PRKN: variants seen among roughly 807,000 people sequenced by gnomAD.
PRKN encodes the protein E3 ubiquitin-protein ligase parkin.
Under a neutral mutation model 59.5 loss-of-function variants are expected in PRKN, and 56 were observed. The observed-to-expected ratio is 0.94, with a 90% CI of 0.76 to 1.18. The LOEUF (loss-of-function observed/expected upper bound fraction) is 1.18. Among genes scored for constraint, PRKN ranks in the 50% most tolerant of loss-of-function variants. The pLI is 0.00. For missense variants in PRKN, 657 were observed against 596.4 expected (o/e 1.10, Z -1.06); for synonymous variants, 250 against 222.1 (o/e 1.13, Z -1.12).
intron 2 of PRKN, among the ~76,000 whole-genome samples, chr6:162,348,964 CAG>C (rs1355067932): frequency 6.6e-6 from 1 of 152,088 alleles, no homozygotes; most frequent in Non-Finnish European, 1.5e-5. Flanking sequence ...AATATAAAGA[CAG>C]ATTATGGACA....
chr6:162,288,248 AT>A (rs1337583375), intron 2 of PRKN, among the ~76,000 whole-genome samples: 13 of 152,020 alleles, frequency 8.6e-5, no homozygotes, highest in Admixed American at 8.5e-4. Context: ...AAAAACATCC[AT>A]TCTGGTTTTG....
intron 1 of PRKN, among the ~76,000 whole-genome samples, chr6:162,666,272 T>C (rs1034583733): frequency 1.3e-5 from 2 of 152,124 alleles, no homozygotes; most frequent in Admixed American, 1.3e-4. Context: ...ATCATTATAA[T>C]GGTATATAAA....
intron 9 of PRKN, among the ~76,000 whole-genome samples, chr6:161,452,316 A>C (rs1223153969): frequency 6.6e-6 from 1 of 152,218 alleles, no homozygotes; most frequent in African/African-American, 2.4e-5. Context: ...CTGAGGACTT[A>C]AATAACTTAT....
intron 6 of PRKN, among the ~76,000 whole-genome samples, chr6:161,968,187 A>ATTTTTTTTTT (rs530441181): frequency 6.3e-5 from 8 of 128,000 alleles, no homozygotes; most frequent in African/African-American, 9.0e-5. Context: ...TGCCTGGCTA[A>ATTTTTTTTTT]TTTTTTTTTT....
intron 9 of PRKN, among the ~76,000 whole-genome samples, chr6:161,535,950 C>T (rs559423623): frequency 2.9e-4 from 13 of 45,136 alleles, no homozygotes; most frequent in African/African-American, 1.3e-3. Context: ...CAGAGAGGAA[C>T]AAAAAGATTT....
intron 2 of PRKN, among the ~76,000 whole-genome samples, chr6:162,264,474 G>A (rs1780037571): frequency 6.6e-6 from 1 of 151,852 alleles, no homozygotes; most frequent in African/African-American, 2.4e-5. Flanking sequence ...TCGAACAGTG[G>A]TGCCCAGCAC....
chr6:162,630,114 G>A (rs890640371), intron 1 of PRKN, among the ~76,000 whole-genome samples: 2 of 152,074 alleles, frequency 1.3e-5, no homozygotes, highest in African/African-American at 4.8e-5. Flanking sequence ...CATACTTTTC[G>A]AATCAAACAA....
At chr6:162,292,823 C>A (rs1035362089) in intron 2 of PRKN, among the ~76,000 whole-genome samples, 8 of 152,102 alleles carry the variant, frequency 5.3e-5, no homozygotes, top group African/African-American at 1.7e-4. Context: ...AGTAAAGCAA[C>A]CAATGGAATG....
intron 3 of PRKN, among the ~76,000 whole-genome samples, chr6:162,238,638 G>C (rs1778847815): frequency 6.6e-6 from 1 of 152,162 alleles, no homozygotes; most frequent in Admixed American, 6.5e-5. Context: ...ACTGGGCCAG[G>C]ACCCACTACC....
chr6:162,199,844 T>A (rs1784644708), intron 4 of PRKN, among the ~76,000 whole-genome samples: 1 of 152,136 alleles, frequency 6.6e-6, no homozygotes, highest in African/African-American at 2.4e-5. Context: ...ATTAGGTGGA[T>A]CTTTTGAGTT....
At chr6:162,623,188 C>T (rs1020112194) in intron 1 of PRKN, among the ~76,000 whole-genome samples, 5 of 151,968 alleles carry the variant, frequency 3.3e-5, no homozygotes, top group Admixed American at 1.3e-4. Flanking sequence ...AGAATTCACT[C>T]GGTTTTATTT....
chr6:161,679,556 C>CTTTT (rs34325718), intron 7 of PRKN, among the ~76,000 whole-genome samples: 9 of 109,040 alleles, frequency 8.3e-5, no homozygotes, highest in African/African-American at 3.1e-4. Flanking sequence ...AGTTTCAAGT[C>CTTTT]TTTTTTTTTT....
chr6:161,677,384 G>A (rs1785126354), intron 7 of PRKN, among the ~76,000 whole-genome samples: 2 of 152,196 alleles, frequency 1.3e-5, no homozygotes, highest in South Asian at 4.1e-4. Context: ...ACATGACACT[G>A]TATGATATCA....
At position 161,593,022 on chromosome 6, in the gene PRKN, A is replaced by AG. The variant is rs760815654; in HGVS notation, c.872-23607dup. ...ATTATAATAATGTGAGATTTACAGAAGAGTTGTAACGACTGCACAGAGCGT... is the reference window on the plus strand; with the variant it reads ...ATTATAATAATGTGAGATTTACAGAAGGAGTTGTAACGACTGCACAGAGCGT... On this transcript the variant is annotated intron_variant, in intron 7 of 11. Coordinates refer to ENST00000366898, the MANE Select transcript of PRKN (RefSeq NM_004562.3). This position sits in a 1 kb window ranked among gnomAD's most constrained non-coding sequence, Gnocchi z 4.8. Among the ~76,000 whole-genome samples the AG allele has an allele frequency of 1.3e-5, 2 of 152,172 alleles. No individual in the cohort carries two copies. Among genetic ancestry groups the AG allele is most frequent in the Middle Eastern group, 3.2e-3 (1 of 316 alleles).
intron 9 of PRKN, among the ~76,000 whole-genome samples, chr6:161,489,750 T>C (rs542097833): frequency 6.6e-6 from 1 of 152,310 alleles, no homozygotes; most frequent in South Asian, 2.1e-4. Flanking sequence ...TTCCTTGAAT[T>C]GTTGAGACCT....
intron 1 of PRKN, among the ~76,000 whole-genome samples, chr6:162,591,458 AG>A (rs1162953860): frequency 2.6e-5 from 4 of 152,164 alleles, no homozygotes; most frequent in African/African-American, 4.8e-5. Context: ...TGATGAAGTC[AG>A]GGTATTTAGG....
chr6:161,625,951 G>C (rs552792544), intron 7 of PRKN, among the ~76,000 whole-genome samples: 29 of 152,286 alleles, frequency 1.9e-4, no homozygotes, highest in African/African-American at 7.0e-4. Flanking sequence ...TCCAGTATAA[G>C]AAGTTGGTTT....
intron 5 of PRKN, among the ~76,000 whole-genome samples, chr6:162,001,699 G>A (rs1036117413): frequency 1.3e-5 from 2 of 151,918 alleles, no homozygotes; most frequent in African/African-American, 4.8e-5. Flanking sequence ...GAAAAGGAGT[G>A]GTAAGAAATG....
intron 7 of PRKN, among the ~76,000 whole-genome samples, chr6:161,731,369 C>T (rs778719189): frequency 3.3e-5 from 5 of 152,220 alleles, no homozygotes; most frequent in Non-Finnish European, 5.9e-5. Flanking sequence ...CTACTCTGAA[C>T]TCTCTGTGAC....
Sources: gnomAD v4.1 joint callset for allele counts (sites outside exome capture counted in the v4.1 genomes callset) on GRCh38, gnomAD v4.1.1 for gene constraint, Gnocchi (gnomAD v3.1) non-coding constraint, MANE v1.5 for transcripts, NCBI Gene and HGNC (gene_info 2026-07-23, HGNC 2026-07-21) for gene names.